CKAP5: variants seen among roughly 807,000 people sequenced by gnomAD.
CKAP5 encodes cytoskeleton associated protein 5, also known as cytoskeleton-associated protein 5.
CKAP5 carries 27 observed loss-of-function variants against 232.8 expected under a neutral mutation model. That is an observed-to-expected ratio of 0.12 (90% CI 0.09 to 0.16). The LOEUF is 0.16. CKAP5 is among the 10% of genes least tolerant of loss of function. The pLI, the probability that CKAP5 is intolerant of heterozygous loss-of-function variation, is 1.00. For synonymous variants in CKAP5, 785 were observed against 841.1 expected (o/e 0.93, Z 1.16); for missense variants, 1,838 against 2,424.7 (o/e 0.76, Z 5.08).
At chr11:46,824,766 T>C (rs1939615254) in intron 1 of CKAP5, among the ~76,000 whole-genome samples, 1 of 152,332 alleles carries the variant, frequency 6.6e-6, no homozygotes, top group Non-Finnish European at 1.5e-5. Context: ...CTGATCTGGA[T>C]TTTATAAACA....
At chr11:46,809,257 AG>A in intron 7 of CKAP5, 142 bp downstream of exon 7, 1 of 610,566 alleles carries the variant, frequency 1.6e-6, no homozygotes, top group Admixed American at 3.2e-5. Flanking sequence ...GGGAGCAAAG[AG>A]GAAGAAGCAA....
intron 1 of CKAP5, among the ~76,000 whole-genome samples, chr11:46,833,346 C>T (rs905487358): frequency 5.3e-5 from 8 of 151,962 alleles, no homozygotes; most frequent in Non-Finnish European, 1.0e-4. Flanking sequence ...AAGAGAAAGG[C>T]TGATTGGAAA....
At chr11:46,795,490 G>T in intron 13 of CKAP5, 104 bp downstream of exon 13, 2 of 850,830 alleles carry the variant, frequency 2.4e-6, no homozygotes, top group Non-Finnish European at 3.6e-6. Flanking sequence ...TTTTAATGTG[G>T]CCAATGAATT....
chr11:46,744,999 T>C (rs931493297), intron 42 of CKAP5, among the ~76,000 whole-genome samples: 1 of 152,214 alleles, frequency 6.6e-6, no homozygotes, highest in Non-Finnish European at 1.5e-5. Context: ...CATTTGAACC[T>C]GTGAAGGAAG....
At chr11:46,833,684 A>T (rs887935995) in intron 1 of CKAP5, among the ~76,000 whole-genome samples, 1 of 151,134 alleles carries the variant, frequency 6.6e-6, no homozygotes, top group African/African-American at 2.4e-5. Flanking sequence ...TCACCGTGCT[A>T]GCCAGGATGG....
chr11:46,839,252 G>A (rs189446983), intron 1 of CKAP5, among the ~76,000 whole-genome samples: 1 of 152,184 alleles, frequency 6.6e-6, no homozygotes, highest in Non-Finnish European at 1.5e-5. Flanking sequence ...AGTAATACAG[G>A]CTGGGGGTAG....
At chr11:46,776,182 T>G (rs1209375100) in intron 24 of CKAP5, 73 bp downstream of exon 24, 1 of 1,292,370 alleles carries the variant, frequency 7.7e-7, no homozygotes, top group Non-Finnish European at 1.1e-6. Context: ...AAATGCGTAT[T>G]TATCAGACAG....
intron 31 of CKAP5, 58 bp from the exon 32 acceptor site, chr11:46,762,251 T>A: frequency 6.5e-7 from 1 of 1,528,702 alleles, no homozygotes; most frequent in Admixed American, 1.7e-5. Context: ...CAGAGACTTA[T>A]CCTTACTAGA....
At chr11:46,806,220 A>G (rs1346212341) in intron 8 of CKAP5, among the ~76,000 whole-genome samples, 2 of 152,230 alleles carry the variant, frequency 1.3e-5, no homozygotes, top group South Asian at 4.1e-4. Flanking sequence ...TTTATATAGT[A>G]CAGCAAGAGA....
intron 32 of CKAP5, 87 bp downstream of exon 32, chr11:46,761,913 A>T: frequency 9.2e-7 from 1 of 1,081,754 alleles, no homozygotes; most frequent in Non-Finnish European, 1.4e-6. Flanking sequence ...AAACTTAGCT[A>T]CAGTTGAGAG....
At chr11:46,781,353 CT>C (rs1565732300) in intron 18 of CKAP5, among the ~76,000 whole-genome samples, 1 of 152,160 alleles carries the variant, frequency 6.6e-6, no homozygotes, top group Non-Finnish European at 1.5e-5. Context: ...TTCCAATAGC[CT>C]ACTAATTCGT....
intron 1 of CKAP5, among the ~76,000 whole-genome samples, chr11:46,831,906 T>C (rs1592489579): frequency 6.9e-6 from 1 of 145,688 alleles, no homozygotes; most frequent in Non-Finnish European, 1.5e-5. Context: ...GCTTTGTTAC[T>C]GAGGCTGGCG....
At chr11:46,768,001 G>T (rs1008235100) in intron 26 of CKAP5, among the ~76,000 whole-genome samples, 1 of 152,002 alleles carries the variant, frequency 6.6e-6, no homozygotes, top group African/African-American at 2.4e-5. Context: ...TCGCCATGTT[G>T]CCCAGGCTGG....
intron 37 of CKAP5, 95 bp downstream of exon 37, chr11:46,753,215 G>A: frequency 1.1e-6 from 1 of 930,796 alleles, no homozygotes; most frequent in Non-Finnish European, 1.6e-6. Context: ...TGATTGTTAG[G>A]TTGCCTAGGA....
intron 4 of CKAP5, among the ~76,000 whole-genome samples, chr11:46,814,403 A>G (rs1484679402): frequency 1.3e-5 from 2 of 152,334 alleles, no homozygotes; most frequent in Admixed American, 6.5e-5. Context: ...GCAAAAAACA[A>G]TATTAAAGAC....
At chr11:46,802,345 G>A (rs1460745312) in intron 8 of CKAP5, 14 of 152,146 alleles carry the variant, frequency 9.2e-5, no homozygotes, top group Admixed American at 9.2e-4. Flanking sequence ...AGATTTTACT[G>A]TGGTACACTG....
At position 46,816,206 on chromosome 11, in the gene CKAP5, T is replaced by C; in HGVS notation, c.450A>G (p.Lys150=). 1 of 1,613,790 alleles carries C rather than the reference T, an allele frequency of 6.2e-7. No individual in the cohort carries two copies. The highest frequency in any genetic ancestry group is 8.5e-7 in the Non-Finnish European group (1 of 1,179,784). ...IIVACIETLR[K]ALSEFGSKII... is the part of the protein sequence containing the mutation. ...CTAAAACAAAGTCTTACCTTAAGGC[T>C]TTCCTCAGTGTCTCTATACAGGCCA... Residue 150 remains lysine (K), a synonymous_variant, in exon 4 of 44, where the codon AAA becomes AAG. Coordinates refer to ENST00000529230, the MANE Select transcript of CKAP5 (RefSeq NM_001008938.4).
intron 1 of CKAP5, among the ~76,000 whole-genome samples, chr11:46,824,380 C>T (rs1939607211): frequency 6.6e-6 from 1 of 152,166 alleles, no homozygotes; most frequent in Admixed American, 6.5e-5. Flanking sequence ...AACAGTATGG[C>T]ATTATCAGAT....
At chr11:46,804,007 A>C (rs1017563267) in intron 8 of CKAP5, among the ~76,000 whole-genome samples, 3 of 152,140 alleles carry the variant, frequency 2.0e-5, no homozygotes, top group Non-Finnish European at 2.9e-5. Flanking sequence ...TCTGGGATGA[A>C]ATTTGGACAT....
Sources: allele counts gnomAD v4.1 joint callset (sites outside exome capture counted in the v4.1 genomes callset), GRCh38; gene constraint gnomAD v4.1.1; transcripts MANE v1.5; gene names NCBI Gene and HGNC (gene_info 2026-07-23, HGNC 2026-07-21).